The following NHS variants were observed in gnomAD, a reference collection of about 807,000 sequenced individuals.
NHS encodes the protein NHS actin remodeling regulator.
Under a neutral mutation model 72.5 loss-of-function variants are expected in NHS, and 5 were observed. The ratio of observed to expected loss-of-function variants is 0.07; its 90% CI spans 0.04 to 0.14. The LOEUF is 0.14. Among genes scored for constraint, NHS ranks in the 10% least tolerant of loss-of-function variants. The pLI, the probability that NHS is intolerant of heterozygous loss-of-function variation, is 1.00. For missense variants in NHS, 1,072 were observed against 1,355.7 expected (o/e 0.79, Z 3.29); for synonymous variants, 464 against 547.7 (o/e 0.85, Z 2.13).
In NHS at chrX:17,732,308, G is replaced by T; in HGVS notation, c.4800G>T (p.Arg1600Ser). ...GCTTTGCCACCTCAGCATCAGCAAGGGTTGGACGTTCTCGGGCCCCTCCTG... is the reference window on the plus strand; with the variant it reads ...GCTTTGCCACCTCAGCATCAGCAAGTGTTGGACGTTCTCGGGCCCCTCCTG... ...SKSFATSASARVGRSRAPPAA... is the reference protein window; with the variant it reads ...SKSFATSASASVGRSRAPPAA... Residue 1600 changes from arginine (R) to serine (S), a missense_variant, in exon 9 of 9, where the codon AGG becomes AGT. Physicochemically the swap from Arg to Ser is moderately radical, Grantham distance 110 (BLOSUM62 -1). Transcript: ENST00000676302. 1 of 1,212,474 alleles carries T rather than the reference G, an allele frequency of 8.2e-7. No individual in the cohort carries two copies. Among genetic ancestry groups the T allele is most frequent in the Non-Finnish European group, 1.1e-6 (1 of 895,681 alleles).
At chrX:17,465,727 G>T (rs1172581854) in intron 1 of NHS, among the ~76,000 whole-genome samples, 1 of 111,870 alleles carries the variant, frequency 8.9e-6, no homozygotes, top group Non-Finnish European at 1.9e-5. Flanking sequence ...ATACTTTTGT[G>T]TGTGGCAATT....
At chrX:17,430,102 CCTTCCTTCCTTCCTTT>C (rs1370421999) in intron 1 of NHS, among the ~76,000 whole-genome samples, 2 of 102,447 alleles carry the variant, frequency 2.0e-5, no homozygotes, top group Non-Finnish European at 4.0e-5. Context: ...TTCCTTCCTT[CCTTCCTTCCTTCCTTT>C]CCTCCATCCC....
rs1324503547 is a variant in NHS, at chrX:17,564,078, C to T, written c.566-123664C>T. ...ATGCAAAATTTAAATAGTCAGAAAA[C>T]TTACAGAAGTACAATTACCTCGCAG... On this transcript the variant is annotated intron_variant, in intron 1 of 8. Transcript: ENST00000676302. 1.2e-4 allele frequency among the ~76,000 whole-genome samples: 13 copies of T among 111,759 alleles called. No homozygotes were observed. The Admixed American group carries it at 1.2e-3, about 11-fold the overall frequency.
chrX:17,576,036 T>C (rs1033994694), intron 1 of NHS, among the ~76,000 whole-genome samples: 1 of 111,811 alleles, frequency 8.9e-6, no homozygotes, highest in African/African-American at 3.3e-5. Context: ...CTCTTGGCCT[T>C]GTGGCAGGAT....
chrX:17,514,380 C>A (rs942889506), intron 1 of NHS, among the ~76,000 whole-genome samples: 2 of 112,301 alleles, frequency 1.8e-5, no homozygotes, highest in African/African-American at 3.2e-5. Flanking sequence ...AGTCTTCTGG[C>A]CTTCATCTTT....
At chrX:17,639,206 G>C (rs1204629359) in intron 1 of NHS, among the ~76,000 whole-genome samples, 2 of 111,486 alleles carry the variant, frequency 1.8e-5, no homozygotes, top group Non-Finnish European at 3.8e-5. Flanking sequence ...AGCCTTGAGG[G>C]AAGTGAGCAT....
At position 17,724,345 on chromosome X, in the gene NHS, T is replaced by C. The variant is rs727504043; in HGVS notation, c.1155T>C (p.His385=). The C allele has an allele frequency of 1.7e-5, 21 of 1,210,268 alleles. No homozygotes were observed. The highest frequency in any genetic ancestry group is 4.4e-5 in the Admixed American group (2 of 45,784). The change falls in exon 6 of 9, where the codon CAT becomes CAC. Residue 385 remains histidine, a synonymous_variant. Coordinates refer to ENST00000676302, the MANE Select transcript of NHS (RefSeq NM_001291867.2). ...CTAGTATACGCTGCTCTCTGGTTCA[T>C]TCACAATCGGTACTACAGCGGAGAC... ...REASIRCSLV[H]SQSVLQRRRK... is the part of the protein sequence containing the mutation.
intron 1 of NHS, among the ~76,000 whole-genome samples, chrX:17,491,925 T>G (rs1225506217): frequency 9.0e-6 from 1 of 110,818 alleles, no homozygotes; most frequent in Non-Finnish European, 1.9e-5. Flanking sequence ...TGCATAGAAG[T>G]GTTTGTAGTA....
chrX:17,419,709 G>C (rs996758047), intron 1 of NHS, among the ~76,000 whole-genome samples: 1 of 111,174 alleles, frequency 9.0e-6, no homozygotes, highest in Non-Finnish European at 1.9e-5. Flanking sequence ...GCCGTGAATC[G>C]CCCACCTCAA....
intron 1 of NHS, among the ~76,000 whole-genome samples, chrX:17,603,830 A>C (rs2147051803): frequency 9.0e-6 from 1 of 111,029 alleles, no homozygotes; most frequent in African/African-American, 3.3e-5. Flanking sequence ...AAGCTATGGA[A>C]ACTTCTTTTG....
intron 1 of NHS, among the ~76,000 whole-genome samples, chrX:17,409,147 A>G (rs1403441847): frequency 2.7e-5 from 3 of 112,502 alleles, no homozygotes; most frequent in African/African-American, 9.7e-5. Flanking sequence ...AAATTTGGGT[A>G]CAAACAATCA....
At chrX:17,449,798 G>A (rs892119787) in intron 1 of NHS, among the ~76,000 whole-genome samples, 2 of 111,377 alleles carry the variant, frequency 1.8e-5, no homozygotes, top group African/African-American at 3.3e-5. Flanking sequence ...GCTTATATCC[G>A]GAAGACAATA....
intron 1 of NHS, among the ~76,000 whole-genome samples, chrX:17,618,320 A>G (rs1006017901): frequency 7.1e-5 from 8 of 112,195 alleles, no homozygotes; most frequent in African/African-American, 2.6e-4. Flanking sequence ...CACATCATTA[A>G]TTCTTGGCTT....
chrX:17,670,816 A>G (rs375079588), intron 1 of NHS, among the ~76,000 whole-genome samples: 2 of 111,457 alleles, frequency 1.8e-5, no homozygotes, highest in Non-Finnish European at 3.8e-5. Context: ...CTCTATTCCA[A>G]TTGCTGCATG....
intron 1 of NHS, among the ~76,000 whole-genome samples, chrX:17,642,203 C>T (rs2065885063): frequency 8.9e-6 from 1 of 112,333 alleles, no homozygotes; most frequent in African/African-American, 3.2e-5. Context: ...TCCTCGGCTT[C>T]CCAAAGTGCT....
rs1254653843 is a variant in NHS, at chrX:17,732,303, G to C, written c.4795G>C (p.Ala1599Pro). Residue 1599 changes from alanine to proline, a missense_variant, in exon 9 of 9, where the codon GCA (alanine) becomes CCA (proline). Coordinates refer to ENST00000676302, the MANE Select transcript of NHS (RefSeq NM_001291867.2). ...GAAGAGCTTTGCCACCTCAGCATCA[G>C]CAAGGGTTGGACGTTCTCGGGCCCC... ...SSKSFATSAS[A>P]RVGRSRAPPA... 8.3e-7 allele frequency: 1 copy of C among 1,211,199 alleles called. No homozygotes were observed. Among genetic ancestry groups the C allele is most frequent in the Non-Finnish European group, 1.1e-6 (1 of 895,503 alleles).
At chrX:17,469,150 G>C (rs1337778838) in intron 1 of NHS, among the ~76,000 whole-genome samples, 1 of 112,123 alleles carries the variant, frequency 8.9e-6, no homozygotes, top group Admixed American at 9.4e-5. Flanking sequence ...GTGTATAGTA[G>C]TGGTTCATTC....
At chrX:17,393,494 T>A (rs1277004867) in intron 1 of NHS, among the ~76,000 whole-genome samples, 1 of 112,529 alleles carries the variant, frequency 8.9e-6, no homozygotes, top group East Asian at 2.8e-4. Context: ...TTCAAATCAC[T>A]TGCAAACTCT....
At chrX:17,392,660 C>G (rs2064451095) in intron 1 of NHS, among the ~76,000 whole-genome samples, 1 of 112,181 alleles carries the variant, frequency 8.9e-6, no homozygotes, top group Non-Finnish European at 1.9e-5. Context: ...GCCTCTCTCC[C>G]TTTCTCTCTC....
Sources: allele counts gnomAD v4.1 joint callset (sites outside exome capture counted in the v4.1 genomes callset), GRCh38; gene constraint gnomAD v4.1.1; transcripts MANE v1.5; gene names NCBI Gene and HGNC (gene_info 2026-07-23, HGNC 2026-07-21).